The following SLC4A4 variants were observed in gnomAD, a reference collection of about 807,000 sequenced individuals.
SLC4A4 encodes the protein electrogenic sodium bicarbonate cotransporter 1.
Under a neutral mutation model 111.5 loss-of-function variants are expected in SLC4A4, and 27 were observed. That is an observed-to-expected ratio of 0.24 (90% CI 0.18 to 0.33). The LOEUF is 0.33. SLC4A4 is among the 10% of genes least tolerant of loss of function. The probability of loss-of-function intolerance (pLI) is 1.00; values close to 1 mark genes in which losing one functional copy is unlikely to be tolerated. For missense variants in SLC4A4, 909 were observed against 1,315.5 expected (o/e 0.69, Z 4.78); for synonymous variants, 443 against 463.4 (o/e 0.96, Z 0.57).
chr4:71,437,761 A>T (rs1724291564), intron 7 of SLC4A4: 1 of 286,326 alleles, frequency 3.5e-6, no homozygotes, highest in Admixed American at 4.0e-5. Context: ...GGCAAGTTCA[A>T]GCTTGACAGT....
At chr4:71,557,928 G>A in intron 22 of SLC4A4, 43 bp downstream of exon 22, 7 of 1,515,982 alleles carry the variant, frequency 4.6e-6, no homozygotes, top group Non-Finnish European at 6.4e-6. Flanking sequence ...GATTATATGA[G>A]TATCATGTGG....
intron 3 of SLC4A4, among the ~76,000 whole-genome samples, chr4:71,283,685 C>T (rs956497294): frequency 6.6e-6 from 1 of 152,134 alleles, no homozygotes; most frequent in Non-Finnish European, 1.5e-5. Context: ...GCATGTATTG[C>T]TATTTACAGA....
intron 2 of SLC4A4, among the ~76,000 whole-genome samples, chr4:71,147,700 C>A (rs1744215072): frequency 6.6e-6 from 1 of 152,138 alleles, no homozygotes; most frequent in African/African-American, 2.4e-5. Context: ...GAATTAAAAT[C>A]AGTAGGATCT....
At chr4:71,214,170 G>A (rs1041958406) in intron 1 of SLC4A4, among the ~76,000 whole-genome samples, 7 of 152,116 alleles carry the variant, frequency 4.6e-5, no homozygotes, top group East Asian at 3.8e-4. Flanking sequence ...ATCCTGTACC[G>A]AGGGGTATAG....
chr4:71,205,939 G>A (rs1165548980), intron 1 of SLC4A4, among the ~76,000 whole-genome samples: 1 of 152,154 alleles, frequency 6.6e-6, no homozygotes, highest in African/African-American at 2.4e-5. Context: ...TGCCCATAAG[G>A]ATAAGGCAAC....
intron 2 of SLC4A4, among the ~76,000 whole-genome samples, chr4:71,246,532 C>T (rs1230820739): frequency 6.6e-6 from 1 of 152,144 alleles, no homozygotes; most frequent in East Asian, 1.9e-4. Context: ...AGACTGGCTG[C>T]AGCATTTGAA....
chr4:71,075,840 T>C (rs1285066047), intron 1 of SLC4A4, among the ~76,000 whole-genome samples: 1 of 151,934 alleles, frequency 6.6e-6, no homozygotes, highest in Non-Finnish European at 1.5e-5. Flanking sequence ...GGTGGGCGCC[T>C]GTAGTCCCAG....
chr4:71,564,007 GAGA>G, intron 24 of SLC4A4, 118 bp downstream of exon 24: 1 of 731,098 alleles, frequency 1.4e-6, no homozygotes, highest in Non-Finnish European at 2.5e-6. Context: ...CTTTTTCTAT[GAGA>G]AGATTTACAC....
chr4:71,492,099 TTC>T (rs1228912383), intron 15 of SLC4A4, among the ~76,000 whole-genome samples: 1 of 151,784 alleles, frequency 6.6e-6, no homozygotes, highest in Non-Finnish European at 1.5e-5. Flanking sequence ...CCTTGTGATT[TTC>T]TCTCACCGAG....
At position 71,088,147 on chromosome 4, in the gene SLC4A4, T is replaced by C. The variant is rs910786431; in HGVS notation, c.-64-4583T>C. On this transcript the variant is annotated intron_variant, in intron 1 of 26. Transcript: ENST00000649996. ...GCTTTTCTTGTTGAATTGATCCCTT[T>C]ACCATTATGTAATGACCTTCTTTGT... 1.1e-4 allele frequency among the ~76,000 whole-genome samples: 16 copies of C among 152,178 alleles called. 1 individual carries two copies. Among genetic ancestry groups the C allele is most frequent in the African/African-American group, 3.6e-4 (15 of 41,422 alleles).
At chr4:71,301,286 G>T in intron 3 of SLC4A4, 1 of 250,164 alleles carries the variant, frequency 4.0e-6, no homozygotes, top group South Asian at 4.6e-5. Flanking sequence ...CCTCCCAGTA[G>T]GGAGGAGCCG....
chr4:71,358,188 C>T (rs1010397697), intron 6 of SLC4A4, among the ~76,000 whole-genome samples: 1 of 152,000 alleles, frequency 6.6e-6, no homozygotes, highest in Admixed American at 6.6e-5. Flanking sequence ...TGGTGGCACG[C>T]ACCTTTGTCC....
intron 15 of SLC4A4, among the ~76,000 whole-genome samples, chr4:71,491,606 T>C (rs2149139034): frequency 6.6e-6 from 1 of 151,962 alleles, no homozygotes; most frequent in Admixed American, 6.6e-5. Context: ...TGTCTAGGGA[T>C]AGTTCCTGAC....
intron 7 of SLC4A4, among the ~76,000 whole-genome samples, chr4:71,400,532 T>C (rs1437342992): frequency 6.6e-6 from 1 of 152,202 alleles, no homozygotes; most frequent in East Asian, 1.9e-4. Context: ...TAAGACCAAC[T>C]ATTAATCTAA....
chr4:71,256,399 A>C, intron 3 of SLC4A4, among the ~76,000 whole-genome samples: 1 of 152,164 alleles, frequency 6.6e-6, no homozygotes, highest in African/African-American at 2.4e-5. Flanking sequence ...GGTGTGAGGC[A>C]TAGTGATGTG....
At chr4:71,541,574 C>G (rs1184808857) in intron 18 of SLC4A4, among the ~76,000 whole-genome samples, 1 of 152,110 alleles carries the variant, frequency 6.6e-6, no homozygotes, top group Non-Finnish European at 1.5e-5. Flanking sequence ...GATGCAGGAG[C>G]ATGGAAAGGG....
At chr4:71,230,189 G>T (rs1008536063) in intron 1 of SLC4A4, among the ~76,000 whole-genome samples, 1 of 152,142 alleles carries the variant, frequency 6.6e-6, no homozygotes, top group African/African-American at 2.4e-5. Flanking sequence ...ATAATTTTAG[G>T]TGTCAGTACT....
chr4:71,176,867 C>T (rs1048025417), intron 2 of SLC4A4, among the ~76,000 whole-genome samples: 10 of 152,092 alleles, frequency 6.6e-5, no homozygotes, highest in African/African-American at 2.4e-4. Flanking sequence ...AACTCCAAGA[C>T]ACATAATTGT....
At chr4:71,508,931 A>G (rs1159647623) in intron 16 of SLC4A4, among the ~76,000 whole-genome samples, 1 of 152,228 alleles carries the variant, frequency 6.6e-6, no homozygotes, top group Non-Finnish European at 1.5e-5. Flanking sequence ...CATCTCTGGG[A>G]TGCAAGGTTG....
Sources: allele counts gnomAD v4.1 joint callset (sites outside exome capture counted in the v4.1 genomes callset), GRCh38; gene constraint gnomAD v4.1.1; transcripts MANE v1.5; gene names NCBI Gene and HGNC (gene_info 2026-07-23, HGNC 2026-07-21).